The following GPRC5C variants were observed in gnomAD, a reference collection of about 807,000 sequenced individuals.
GPRC5C encodes the protein G protein-coupled receptor family C group 5 member C.
GPRC5C carries 22 observed loss-of-function variants against 31.4 expected under a neutral mutation model. The observed-to-expected ratio is 0.70, with a 90% CI of 0.50 to 1.00. GPRC5C has a LOEUF of 1.00. Among genes scored for constraint, GPRC5C ranks in the 50% least tolerant of loss-of-function variants. The probability of loss-of-function intolerance (pLI) is 0.00; values close to 1 mark genes in which losing one functional copy is unlikely to be tolerated. For synonymous variants in GPRC5C, 249 were observed against 257.5 expected (o/e 0.97, Z 0.32); for missense variants, 557 against 597.2 (o/e 0.93, Z 0.70).
rs11443312 is a variant in GPRC5C at position 74,440,980 on chromosome 17, AT to A, written c.1051+164del. ...TCTCTAAATTCCATTTAATTTAAAG[AT>A]TTTTTTTTTTCAGTTGGGCATGGTA... On this transcript the variant is annotated intron_variant, in intron 2 of 3. Transcript: ENST00000392627. The surrounding 1 kb of genome is among the most constrained non-coding windows in gnomAD (Gnocchi z 4.4). Among the ~76,000 whole-genome samples the A allele has an allele frequency of 0.015, 2,186 of 149,696 alleles. 53 individuals carry two copies. Among genetic ancestry groups the A allele is most frequent in the African/African-American group, 0.05 (2,048 of 40,684 alleles).
At chr17:74,446,805 G>C (rs2055643094) in intron 3 of GPRC5C, 44 bp from the exon 4 acceptor site, 2 of 1,495,926 alleles carry the variant, frequency 1.3e-6, no homozygotes, top group African/African-American at 2.8e-5. Context: ...GGCGGAACCT[G>C]GCTCCCAATC....
chr17:74,447,996 G>A (rs992531952), downstream of GPRC5C, among the ~76,000 whole-genome samples: 5 of 152,136 alleles, frequency 3.3e-5, no homozygotes, highest in African/African-American at 1.2e-4. Context: ...GGTTGGTTTC[G>A]TTCCCGAGCG....
At chr17:74,436,888 C>T (rs1364161467) in intron 1 of GPRC5C, among the ~76,000 whole-genome samples, 3 of 152,172 alleles carry the variant, frequency 2.0e-5, no homozygotes, top group Non-Finnish European at 4.4e-5. Context: ...TAAATTATCT[C>T]CCAGGAGTGG....
intron 1 of GPRC5C, among the ~76,000 whole-genome samples, chr17:74,438,410 A>C (rs2055475224): frequency 6.6e-6 from 1 of 150,970 alleles, no homozygotes; most frequent in Non-Finnish European, 1.5e-5. Flanking sequence ...ATAGGCGTGC[A>C]CCTCCACGCC....
intron 1 of GPRC5C, chr17:74,432,624 C>A: frequency 1.6e-6 from 1 of 629,602 alleles, no homozygotes; most frequent in Non-Finnish European, 2.0e-6. Flanking sequence ...ATCCTGCGGG[C>A]TGGGGACGCC....
downstream of GPRC5C, chr17:74,447,501 G>A: frequency 3.6e-6 from 1 of 274,976 alleles, no homozygotes; most frequent in Non-Finnish European, 5.6e-6. Flanking sequence ...ACCATGGCCT[G>A]TGGGTGACTT....
Position 74,440,999 on chromosome 17 carries a change from G to A in GPRC5C, c.1051+172G>A, listed in dbSNP as rs2055530255. On this transcript the variant is annotated intron_variant, in intron 2 of 3. Coordinates refer to ENST00000392627, the MANE Select transcript of GPRC5C (RefSeq NM_022036.4). This position sits in a 1 kb window ranked among gnomAD's most constrained non-coding sequence, Gnocchi z 4.4. ...TTAAAGATTTTTTTTTTTCAGTTGGGCATGGTAGATCATGCCTGTAATCCT... is the reference window on the plus strand; with the variant it reads ...TTAAAGATTTTTTTTTTTCAGTTGGACATGGTAGATCATGCCTGTAATCCT... Among the ~76,000 whole-genome samples, 1 of 151,606 alleles carries A rather than the reference G, an allele frequency of 6.6e-6. No homozygotes were observed. The highest frequency in any genetic ancestry group is 1.5e-5 in the Non-Finnish European group (1 of 67,950).
chr17:74,444,807 C>T (rs1164166228), intron 3 of GPRC5C, among the ~76,000 whole-genome samples: 3 of 152,196 alleles, frequency 2.0e-5, no homozygotes, highest in Non-Finnish European at 2.9e-5. Flanking sequence ...TGAATAGCTT[C>T]CTTCACTGTT....
rs1555632919 is a variant in GPRC5C at position 74,438,253 on chromosome 17, TTG to T, written c.-32-1490_-32-1489del. Among the ~76,000 whole-genome samples the T allele has an allele frequency of 6.1e-3, 550 of 89,950 alleles. 7 individuals are homozygous for T. The highest frequency in any genetic ancestry group is 0.025 in the African/African-American group (331 of 13,510). 59.0% of individuals were successfully genotyped at this position (89,950 alleles called of 152,430 possible). ...TATATATATATATATATATATATATTTGTTGTTGTTGTTGTTGTTTGTTTTCA... is the reference window on the plus strand; with the variant it reads ...TATATATATATATATATATATATATTTTGTTGTTGTTGTTGTTTGTTTTCA... On this transcript the variant is annotated intron_variant, in intron 1 of 3. Coordinates refer to ENST00000392627, the MANE Select transcript of GPRC5C (RefSeq NM_022036.4).
intron 1 of GPRC5C, chr17:74,432,443 T>C: frequency 1.8e-6 from 2 of 1,093,200 alleles, no homozygotes; most frequent in Non-Finnish European, 2.2e-6. Context: ...GCCGCGTCCC[T>C]CCCACCCCCG....
chr17:74,432,308 G>C, intron 1 of GPRC5C, 167 bp downstream of exon 1: 1 of 1,447,742 alleles, frequency 6.9e-7, no homozygotes, highest in Non-Finnish European at 9.1e-7. Context: ...CCTGGGGACA[G>C]GCCCGCGCGA....
rs1181696405 is a variant in GPRC5C at position 74,440,866 on chromosome 17, A to C, written c.1051+39A>C. On this transcript the variant is annotated intron_variant, in intron 2 of 3. Transcript: ENST00000392627. The surrounding 1 kb of genome is among the most constrained non-coding windows in gnomAD (Gnocchi z 4.4). ...GATGCCCCCAGTGGCCCCTTTCTCC[A>C]TCCCATGTCTTTTACTGCAGGACAG... The C allele has an allele frequency of 1.4e-6, 2 of 1,432,242 alleles. No homozygotes were observed. The allele number at this position is 1,432,242 out of a possible 1,614,324, so 88.7% of individuals were successfully genotyped here.
At chr17:74,446,255 A>G (rs919700793) in intron 3 of GPRC5C, 3 of 151,938 alleles carry the variant, frequency 2.0e-5, no homozygotes, top group African/African-American at 7.3e-5. Flanking sequence ...GATTGAGACC[A>G]TCCTGGCTAA....
rs754090676 is a variant in GPRC5C at position 74,443,889 on chromosome 17, A to T, written c.1123A>T (p.Met375Leu). ...LLTSVYQPTE[M>L]ALMHKVPSEG... ...GACCAGTGTGTACCAGCCCACTGAG[A>T]TGGCCCTGATGCACAAAGTTCCGGT... Residue 375 changes from methionine (M) to leucine (L), a missense_variant, in exon 3 of 4, where the codon ATG (methionine) becomes TTG (leucine). Met to Leu is a conservative substitution (Grantham distance 15, BLOSUM62 2). Coordinates refer to ENST00000392627, the MANE Select transcript of GPRC5C (RefSeq NM_022036.4). The T allele has an allele frequency of 1.9e-5, 30 of 1,612,128 alleles. No homozygotes were observed. The highest frequency in any genetic ancestry group is 2.5e-5 in the Non-Finnish European group (30 of 1,178,380).
At chr17:74,436,981 C>T (rs938394529) in intron 1 of GPRC5C, among the ~76,000 whole-genome samples, 1 of 152,206 alleles carries the variant, frequency 6.6e-6, no homozygotes, top group East Asian at 1.9e-4. Context: ...CTCGCTCCGT[C>T]ACCCAGGCTG....
intron 2 of GPRC5C, among the ~76,000 whole-genome samples, chr17:74,442,848 C>T (rs932727958): frequency 5.3e-5 from 8 of 152,154 alleles, no homozygotes; most frequent in Non-Finnish European, 7.4e-5. Context: ...GTGGAATTGG[C>T]AAAACCCACC....
rs377447770 is a variant in GPRC5C, at chr17:74,440,564, A to T, written c.788A>T (p.Tyr263Phe). Reference sequence around the variant, plus strand: ...ATATGGGTGGTGTGGATCGTCATGTATACTTACGGCAACAAGCAGCACAAC... The same window carrying T: ...ATATGGGTGGTGTGGATCGTCATGTTTACTTACGGCAACAAGCAGCACAAC... ...VAIWVVWIVM[Y>F]TYGNKQHNSP... The change falls in exon 2 of 4, where the codon TAT becomes TTT. Residue 263 changes from tyrosine (Y) to phenylalanine (F), a missense_variant. Physicochemically the swap from Tyr to Phe is conservative, Grantham distance 22. Transcript: ENST00000392627. The surrounding 1 kb of genome is among the most constrained non-coding windows in gnomAD (Gnocchi z 4.4). The T allele has an allele frequency of 6.2e-7, 1 of 1,613,914 alleles. No homozygotes were observed. Among genetic ancestry groups the T allele is most frequent in the Non-Finnish European group, 8.5e-7 (1 of 1,179,964 alleles).
rs116300127 is a variant in GPRC5C at position 74,433,815 on chromosome 17, A to G, written c.-33+1674A>G. 1.0e-2 allele frequency: 12,674 copies of G among 1,268,656 alleles called. 188 individuals carry two copies. The highest frequency in any genetic ancestry group is 0.056 in the East Asian group (2,435 of 43,316). The allele number at this position is 1,268,656 out of a possible 1,614,324, so 78.6% of individuals were successfully genotyped here. A position where few individuals can be genotyped will look rare whatever the true frequency, so the allele number is the denominator to read the frequency against. ...GCTGGAGCTCTCTTTCCAGTGCGGT[A>G]TCCTTGGCCCTGGTGGGTGGAGGGG... On this transcript the variant is annotated intron_variant, in intron 1 of 3. Coordinates refer to ENST00000392627, the MANE Select transcript of GPRC5C (RefSeq NM_022036.4).
At position 74,432,104 on chromosome 17, in the gene GPRC5C, C is replaced by T. The variant is rs1253636723; in HGVS notation, c.-70C>T. Reference sequence around the variant, plus strand: ...GGCAGGGCCAGAAACTCCCATCTCCCTCACCAGCCGGAAAGTACGAGTCGG... The same window carrying T: ...GGCAGGGCCAGAAACTCCCATCTCCTTCACCAGCCGGAAAGTACGAGTCGG... On this transcript the variant is annotated 5_prime_UTR_variant, in exon 1 of 4. Coordinates refer to ENST00000392627, the MANE Select transcript of GPRC5C (RefSeq NM_022036.4). The T allele has an allele frequency of 1.2e-6, 2 of 1,613,476 alleles. No homozygotes were observed. Among genetic ancestry groups the T allele is most frequent in the South Asian group, 2.2e-5 (2 of 91,080 alleles).
Sources: allele counts gnomAD v4.1 joint callset (sites outside exome capture counted in the v4.1 genomes callset), GRCh38; gene constraint gnomAD v4.1.1; non-coding constraint Gnocchi (gnomAD v3.1); transcripts MANE v1.5; gene names NCBI Gene and HGNC (gene_info 2026-07-23, HGNC 2026-07-21).